The following CLEC9A variants were observed in gnomAD, a reference collection of about 807,000 sequenced individuals.
CLEC9A encodes the protein C-type lectin domain family 9 member A.
A neutral mutation model predicts 30.0 loss-of-function variants in CLEC9A; 24 were observed. The observed-to-expected ratio is 0.80, with a 90% CI of 0.58 to 1.13. The LOEUF is 1.13. CLEC9A is among the 50% of genes most tolerant of loss of function. The pLI, the probability that CLEC9A is intolerant of heterozygous loss-of-function variation, is 0.00. For missense variants in CLEC9A, 251 were observed against 280.9 expected (o/e 0.89, Z 0.76); for synonymous variants, 111 against 96.8 (o/e 1.15, Z -0.86).
chr12:10,056,953 G>T (rs576846756), intron 5 of CLEC9A, among the ~76,000 whole-genome samples: 1 of 152,104 alleles, frequency 6.6e-6, no homozygotes, highest in African/African-American at 2.4e-5. Flanking sequence ...CTGTACAGGC[G>T]TAAAGTATAT....
rs1221799096 is a variant in CLEC9A, at chr12:10,064,765, G to C, written c.505G>C (p.Gly169Arg). The part of the protein sequence containing the change: ...FITGSLRKIK[G>R]SYDYWVGLSQ... ...CACTGGCAGCTTGAGGAAGATTAAA[G>C]GAAGCTATGATTACTGGGTGGGGTT... Residue 169 changes from glycine (G) to arginine (R), a missense_variant, in exon 8 of 9, where the codon GGA becomes CGA. By Grantham distance (125) the Gly-to-Arg change is moderately radical. Coordinates refer to ENST00000355819, the MANE Select transcript of CLEC9A (RefSeq NM_207345.4). The C allele has an allele frequency of 6.2e-7, 1 of 1,612,340 alleles. No homozygotes were observed. Among genetic ancestry groups the C allele is most frequent in the Non-Finnish European group, 8.5e-7 (1 of 1,179,134 alleles).
intron 2 of CLEC9A, among the ~76,000 whole-genome samples, chr12:10,044,037 A>G (rs1865823066): frequency 6.6e-6 from 1 of 152,202 alleles, no homozygotes; most frequent in African/African-American, 2.4e-5. Context: ...TGAAAGTTGT[A>G]AACTTGAGAG....
chr12:10,058,005 T>C lies in CLEC9A; in HGVS notation c.173-3122T>C, dbSNP rs184246211. ...GACGTTAAAAGTATTTTGTTTTTTTTCCCCAGGTAATTATATTGTTTTGTC... is the reference window on the plus strand; with the variant it reads ...GACGTTAAAAGTATTTTGTTTTTTTCCCCCAGGTAATTATATTGTTTTGTC... On this transcript the variant is annotated intron_variant, in intron 5 of 8. Transcript: ENST00000355819. Among the ~76,000 whole-genome samples, 448 of 152,268 alleles carry C rather than the reference T, an allele frequency of 2.9e-3. 3 individuals are homozygous for C. In the Middle Eastern group the frequency reaches 0.051, roughly 17 times the overall value.
At chr12:10,033,732 T>TA (rs1865720469) in intron 1 of CLEC9A, among the ~76,000 whole-genome samples, 1 of 152,234 alleles carries the variant, frequency 6.6e-6, no homozygotes, top group Non-Finnish European at 1.5e-5. Context: ...GTTAACATGA[T>TA]AGGAGGATTC....
chr12:10,033,974 C>T (rs1046539242), intron 1 of CLEC9A, among the ~76,000 whole-genome samples: 5 of 152,154 alleles, frequency 3.3e-5, no homozygotes, highest in African/African-American at 1.2e-4. Context: ...AATAAATGGC[C>T]ACAAGGAGGA....
intron 6 of CLEC9A, among the ~76,000 whole-genome samples, chr12:10,061,980 C>T (rs901531885): frequency 6.6e-6 from 1 of 152,136 alleles, no homozygotes; most frequent in East Asian, 1.9e-4. Context: ...AAAATTTAAT[C>T]GAGTGTTTGA....
At chr12:10,049,371 G>A (rs899834738) in intron 2 of CLEC9A, among the ~76,000 whole-genome samples, 1 of 152,122 alleles carries the variant, frequency 6.6e-6, no homozygotes, top group South Asian at 2.1e-4. Context: ...CCTAACAATA[G>A]AGTCAGCTTG....
At chr12:10,052,923 G>A (rs1161100119) in intron 4 of CLEC9A, 145 bp downstream of exon 4, 1 of 854,712 alleles carries the variant, frequency 1.2e-6, no homozygotes, top group African/African-American at 1.7e-5. Context: ...CTAATGAAGT[G>A]GAGAAGGATT....
chr12:10,032,504 C>T (rs1182464054), intron 1 of CLEC9A, among the ~76,000 whole-genome samples: 1 of 151,812 alleles, frequency 6.6e-6, no homozygotes, highest in African/African-American at 2.4e-5. Flanking sequence ...CATTCTTCCG[C>T]CTCAGCCTCT....
intron 1 of CLEC9A, among the ~76,000 whole-genome samples, chr12:10,032,073 A>C: frequency 6.6e-6 from 1 of 152,180 alleles, no homozygotes; most frequent in Admixed American, 6.5e-5. Flanking sequence ...ATACTATTTG[A>C]ATGACTAAAA....
chr12:10,033,827 G>A (rs1475545700), intron 1 of CLEC9A, among the ~76,000 whole-genome samples: 1 of 151,974 alleles, frequency 6.6e-6, no homozygotes, highest in Admixed American at 6.6e-5. Context: ...GGCCTAAATT[G>A]GATAGTACCC....
At chr12:10,034,207 A>G (rs1268562884) in intron 1 of CLEC9A, among the ~76,000 whole-genome samples, 1 of 152,242 alleles carries the variant, frequency 6.6e-6, no homozygotes, top group African/African-American at 2.4e-5. Flanking sequence ...TAAATTTGTC[A>G]TAAGTTTAAT....
At chr12:10,042,537 G>C (rs1865806589) in intron 2 of CLEC9A, among the ~76,000 whole-genome samples, 1 of 152,030 alleles carries the variant, frequency 6.6e-6, no homozygotes, top group Admixed American at 6.5e-5. Flanking sequence ...ACTATTCCAG[G>C]ACTTGGACCT....
At chr12:10,049,836 C>T (rs1024404813) in intron 2 of CLEC9A, among the ~76,000 whole-genome samples, 2 of 152,320 alleles carry the variant, frequency 1.3e-5, no homozygotes, top group African/African-American at 2.4e-5. Flanking sequence ...TGGAGCAGCA[C>T]TTTTAATTTC....
chr12:10,054,925 C>T (rs1247077862), intron 5 of CLEC9A, among the ~76,000 whole-genome samples: 4 of 152,144 alleles, frequency 2.6e-5, no homozygotes, highest in African/African-American at 9.7e-5. Flanking sequence ...CATGCTACCA[C>T]TAAGAAAAAT....
intron 2 of CLEC9A, among the ~76,000 whole-genome samples, chr12:10,044,179 C>T (rs531621048): frequency 6.6e-6 from 1 of 152,238 alleles, no homozygotes; most frequent in South Asian, 2.1e-4. Flanking sequence ...ATGATGCAGG[C>T]AAATAGGCTG....
intron 2 of CLEC9A, chr12:10,043,191 T>C (rs1865812776): frequency 2.4e-6 from 1 of 408,580 alleles, no homozygotes; most frequent in Admixed American, 2.7e-5. Flanking sequence ...TTCTGACCAT[T>C]GTGTTTATTT....
At chr12:10,050,400 CTGCAAAGCGCAATAA>C (rs1265986326) in intron 2 of CLEC9A, among the ~76,000 whole-genome samples, 35 of 152,318 alleles carry the variant, frequency 2.3e-4, no homozygotes, top group Non-Finnish European at 2.9e-5. Context: ...AATGCAGTAT[CTGCAAAGCGCAATAA>C]TGCAAAGCTC....
intron 1 of CLEC9A, among the ~76,000 whole-genome samples, chr12:10,040,452 A>ATTT (rs11452760): frequency 1.5e-5 from 2 of 137,138 alleles, no homozygotes; most frequent in African/African-American, 5.4e-5. Flanking sequence ...TACATTGGCA[A>ATTT]TTTTTTTTTT....
Sources: gnomAD v4.1 joint callset for allele counts (sites outside exome capture counted in the v4.1 genomes callset) on GRCh38, gnomAD v4.1.1 for gene constraint, MANE v1.5 for transcripts, NCBI Gene and HGNC (gene_info 2026-07-23, HGNC 2026-07-21) for gene names.